Variants in CDC123 observed in about 807,000 individuals in gnomAD.
CDC123 encodes the protein cell division cycle 123.
Under a neutral mutation model 54.4 loss-of-function variants are expected in CDC123, and 37 were observed. The observed-to-expected ratio is 0.68, with a 90% CI of 0.52 to 0.89. CDC123 has a LOEUF of 0.89. Among genes scored for constraint, CDC123 ranks in the 40% least tolerant of loss-of-function variants. The probability of loss-of-function intolerance (pLI) is 0.00; values close to 1 mark genes in which losing one functional copy is unlikely to be tolerated. For missense variants in CDC123, 361 were observed against 412.1 expected, an observed-to-expected ratio of 0.88 and a Z score of 1.07; for synonymous variants, 144 against 136.8, an observed-to-expected ratio of 1.05 and a Z score of -0.37.
intron 6 of CDC123, among the ~76,000 whole-genome samples, chr10:12,226,029 T>G (rs1278593766): frequency 6.6e-6 from 1 of 152,104 alleles, no homozygotes; most frequent in Non-Finnish European, 1.5e-5. Flanking sequence ...CTTAATCCAT[T>G]TAACCCTTCG....
In CDC123 at chr10:12,246,286, T is replaced by C; in HGVS notation, c.846+9T>C. 1 of 1,613,942 alleles carries C rather than the reference T, an allele frequency of 6.2e-7. No individual in the cohort carries two copies. Among genetic ancestry groups the C allele is most frequent in the Non-Finnish European group, 8.5e-7 (1 of 1,179,902 alleles). ...TTGACGCTCAAGAGCAGGTACAACA[T>C]TTTTAAGACAGATACAATGTAAACC... On this transcript the variant is annotated intron_variant, in intron 11 of 12. Transcript: ENST00000281141.
At chr10:12,206,605 A>G (rs1835522135) in intron 2 of CDC123, among the ~76,000 whole-genome samples, 1 of 152,248 alleles carries the variant, frequency 6.6e-6, no homozygotes, top group African/African-American at 2.4e-5. Context: ...TGAGGCCAGC[A>G]GTTTGAGACC....
chr10:12,208,501 G>C (rs1055757824), intron 2 of CDC123, among the ~76,000 whole-genome samples: 1 of 152,168 alleles, frequency 6.6e-6, no homozygotes, highest in Non-Finnish European at 1.5e-5. Context: ...TATGTTGCAA[G>C]GGTACAATGG....
intron 6 of CDC123, among the ~76,000 whole-genome samples, chr10:12,218,968 ATCTTTAAACTGG>A (rs1361634797): frequency 6.6e-6 from 1 of 152,238 alleles, no homozygotes; most frequent in Non-Finnish European, 1.5e-5. Context: ...AGGTAAACTC[ATCTTTAAACTGG>A]TCTTTAAAGC....
At position 12,196,190 on chromosome 10, in the gene CDC123, A is replaced by G. The variant is rs2131725253; in HGVS notation, c.-56A>G. On this transcript the variant is annotated 5_prime_UTR_variant, in exon 1 of 13. Transcript: ENST00000281141. ...GGGCACTTCCGGGGCCGGCGCCCAG[A>G]GTTCCGGGAGGGTGCAGGCAGGAGA... is the stretch of plus-strand genomic sequence containing the variant. The G allele has an allele frequency of 1.2e-6, 2 of 1,612,258 alleles. No homozygotes were observed. Among genetic ancestry groups the G allele is most frequent in the Non-Finnish European group, 1.7e-6 (2 of 1,179,152 alleles).
chr10:12,215,821 T>G lies in CDC123; in HGVS notation c.319T>G (p.Trp107Gly). Residue 107 changes from tryptophan to glycine, a missense_variant, in exon 5 of 13, where the codon TGG becomes GGG. By Grantham distance (184) the Trp-to-Gly change is radical. Transcript: ENST00000281141. ...LGGSVFPKLN[W>G]SAPRDAYWIA... ...GGGCAGTGTCTTTCCTAAGCTTAATTGGAGTGCCCCAAGGGTAGGAACACA... is the reference window on the plus strand; with the variant it reads ...GGGCAGTGTCTTTCCTAAGCTTAATGGGAGTGCCCCAAGGGTAGGAACACA... The G allele has an allele frequency of 6.2e-7, 1 of 1,609,452 alleles. No homozygotes were observed. The highest frequency in any genetic ancestry group is 8.5e-7 in the Non-Finnish European group (1 of 1,177,252).
intron 2 of CDC123, chr10:12,199,010 T>TCTTTCATCATAA: frequency 2.7e-6 from 1 of 372,538 alleles, no homozygotes. Context: ...TTCATCTCTG[T>TCTTTCATCATAA]CTTTAGAAAA....
chr10:12,226,196 T>G (rs946647523), intron 6 of CDC123, among the ~76,000 whole-genome samples: 9 of 152,150 alleles, frequency 5.9e-5, no homozygotes, highest in Non-Finnish European at 1.3e-4. Flanking sequence ...GATTTCTCTT[T>G]CCTTTCCCCA....
At chr10:12,213,689 T>A (rs1169091721) in intron 4 of CDC123, among the ~76,000 whole-genome samples, 1 of 151,804 alleles carries the variant, frequency 6.6e-6, no homozygotes, top group Non-Finnish European at 1.5e-5. Context: ...AAATCATGAC[T>A]CATATAAAAC....
chr10:12,219,690 G>GTTTTT (rs56171325), intron 6 of CDC123, among the ~76,000 whole-genome samples: 17 of 144,496 alleles, frequency 1.2e-4, no homozygotes, highest in Admixed American at 4.2e-4. Flanking sequence ...ACTGATAATG[G>GTTTTT]TTTTTTTTTT....
intron 2 of CDC123, among the ~76,000 whole-genome samples, chr10:12,203,597 T>G (rs1025424192): frequency 6.6e-6 from 1 of 152,132 alleles, no homozygotes; most frequent in African/African-American, 2.4e-5. Context: ...CAATGTGCTT[T>G]TCTGATAGAG....
At chr10:12,231,103 G>A (rs1200935830) in intron 7 of CDC123, 107 bp downstream of exon 7, 14 of 1,031,452 alleles carry the variant, frequency 1.4e-5, no homozygotes, top group South Asian at 6.1e-5. Flanking sequence ...TAATTTCTTC[G>A]GGAACCTAAA....
chr10:12,232,157 T>G (rs1210244648), intron 7 of CDC123, among the ~76,000 whole-genome samples: 1 of 152,080 alleles, frequency 6.6e-6, no homozygotes, highest in African/African-American at 2.4e-5. Context: ...TTTTTTTAAA[T>G]GCAGACTCCA....
chr10:12,246,781 A>G (rs4469792), intron 11 of CDC123: 71,096 of 153,194 alleles, frequency 0.46, 18,313 homozygotes, highest in Middle Eastern at 0.62. Context: ...GAATTCCCTC[A>G]GTTGATTTCT....
At chr10:12,235,208 A>G in intron 8 of CDC123, 85 bp downstream of exon 8, 1 of 1,134,334 alleles carries the variant, frequency 8.8e-7, no homozygotes, top group Non-Finnish European at 1.3e-6. Context: ...AATTTCCAGT[A>G]ATTAGGACAG....
intron 9 of CDC123, 98 bp downstream of exon 9, chr10:12,237,364 A>G: frequency 1.0e-6 from 1 of 983,874 alleles, no homozygotes; most frequent in Non-Finnish European, 1.4e-6. Context: ...TAGATTTGAA[A>G]TACTGTATTG....
intron 6 of CDC123, among the ~76,000 whole-genome samples, chr10:12,217,981 C>T (rs1465186669): frequency 6.6e-6 from 1 of 151,978 alleles, no homozygotes; most frequent in South Asian, 2.1e-4. Flanking sequence ...CTCAGCTACT[C>T]GGGAGGCTGA....
At chr10:12,229,947 C>G (rs1456897536) in intron 6 of CDC123, among the ~76,000 whole-genome samples, 1 of 151,660 alleles carries the variant, frequency 6.6e-6, no homozygotes, top group Non-Finnish European at 1.5e-5. Context: ...ATGCACACAA[C>G]AAGAACGTGG....
At chr10:12,224,856 T>A (rs1457931294) in intron 6 of CDC123, among the ~76,000 whole-genome samples, 2 of 152,166 alleles carry the variant, frequency 1.3e-5, no homozygotes, top group African/African-American at 4.8e-5. Context: ...AGTCCTCCAG[T>A]GACCTTGGTG....
Sources: gnomAD v4.1 joint callset for allele counts (sites outside exome capture counted in the v4.1 genomes callset) on GRCh38, gnomAD v4.1.1 for gene constraint, MANE v1.5 for transcripts, NCBI Gene and HGNC (gene_info 2026-07-23, HGNC 2026-07-21) for gene names.